SEMA6D: variants seen among roughly 807,000 people sequenced by gnomAD.
SEMA6D encodes semaphorin 6D.
In SEMA6D, 35 loss-of-function variants were observed where a neutral mutation model predicts 106.6. The observed-to-expected ratio is 0.33, with a 90% CI of 0.25 to 0.44. SEMA6D has a LOEUF of 0.44. SEMA6D is among the 20% of genes least tolerant of loss of function. The pLI, the probability that SEMA6D is intolerant of heterozygous loss-of-function variation, is 1.00. For missense variants in SEMA6D, 1,185 were observed against 1,345.9 expected, an observed-to-expected ratio of 0.88 and a Z score of 1.87; for synonymous variants, 499 against 487.7, an observed-to-expected ratio of 1.02 and a Z score of -0.31.
chr15:47,231,646 A>G (rs2032202752), intron 1 of SEMA6D, among the ~76,000 whole-genome samples: 1 of 152,014 alleles, frequency 6.6e-6, no homozygotes, highest in Admixed American at 6.6e-5. Context: ...TGTTTCTTGC[A>G]TAGGACAATT....
intron 1 of SEMA6D, among the ~76,000 whole-genome samples, chr15:47,748,278 T>C (rs1262612896): frequency 2.0e-5 from 3 of 152,214 alleles, no homozygotes; most frequent in African/African-American, 7.2e-5. Context: ...GAGCTGTTCA[T>C]TTTGATGTGG....
At chr15:47,573,616 C>T (rs950321902) in intron 3 of SEMA6D, among the ~76,000 whole-genome samples, 6 of 152,152 alleles carry the variant, frequency 3.9e-5, no homozygotes, top group African/African-American at 1.4e-4. Context: ...TGCATCATTG[C>T]TGGTCTTTCT....
intron 4 of SEMA6D, among the ~76,000 whole-genome samples, chr15:47,618,220 T>C (rs1050795501): frequency 1.3e-5 from 2 of 152,224 alleles, no homozygotes; most frequent in African/African-American, 4.8e-5. Context: ...TTTGTAAATA[T>C]AAAGAGTTAA....
chr15:47,369,705 C>T (rs1432004277), intron 1 of SEMA6D, among the ~76,000 whole-genome samples: 1 of 152,098 alleles, frequency 6.6e-6, no homozygotes, highest in Non-Finnish European at 1.5e-5. Context: ...CTAAAGTATA[C>T]GTTATTGACA....
At chr15:47,359,748 G>A (rs1269924874) in intron 1 of SEMA6D, 2 of 152,138 alleles carry the variant, frequency 1.3e-5, no homozygotes, top group Non-Finnish European at 2.9e-5. Context: ...GGTATTTCTG[G>A]TAGAATGGCT....
At chr15:47,707,881 C>G (rs1219331385) in intron 4 of SEMA6D, among the ~76,000 whole-genome samples, 1 of 152,150 alleles carries the variant, frequency 6.6e-6, no homozygotes, top group African/African-American at 2.4e-5. Context: ...CCTTTTCCAC[C>G]TCATGTTTCT....
intron 3 of SEMA6D, among the ~76,000 whole-genome samples, chr15:47,557,996 A>G (rs1596315275): frequency 6.6e-6 from 1 of 152,110 alleles, no homozygotes; most frequent in Non-Finnish European, 1.5e-5. Context: ...TTTACTCTGC[A>G]TCCTTGAGTT....
chr15:47,733,860 T>C (rs1402767825), intron 1 of SEMA6D, among the ~76,000 whole-genome samples: 3 of 152,204 alleles, frequency 2.0e-5, no homozygotes, highest in Non-Finnish European at 4.4e-5. Context: ...AGGAAAGGCT[T>C]ATGGATTTTA....
intron 4 of SEMA6D, among the ~76,000 whole-genome samples, chr15:47,669,535 C>T (rs1256487678): frequency 6.6e-6 from 1 of 152,216 alleles, no homozygotes; most frequent in Admixed American, 6.5e-5. Context: ...GCTGCCTTGA[C>T]AATCCATAGA....
At chr15:47,320,529 G>A (rs1450353202) in intron 1 of SEMA6D, among the ~76,000 whole-genome samples, 1 of 152,040 alleles carries the variant, frequency 6.6e-6, no homozygotes, top group Non-Finnish European at 1.5e-5. Flanking sequence ...AGATCATCTT[G>A]CCCTGGTCCT....
chr15:47,591,691 T>C (rs955706910), intron 3 of SEMA6D, among the ~76,000 whole-genome samples: 2 of 152,150 alleles, frequency 1.3e-5, no homozygotes, highest in Non-Finnish European at 2.9e-5. Flanking sequence ...ACCTGTTTCA[T>C]TGTATCAGGA....
chr15:47,620,635 C>A (rs1177149202), intron 4 of SEMA6D, among the ~76,000 whole-genome samples: 1 of 151,632 alleles, frequency 6.6e-6, no homozygotes, highest in African/African-American at 2.4e-5. Flanking sequence ...CTAGTGGGTA[C>A]TAAAGGCAGT....
intron 4 of SEMA6D, among the ~76,000 whole-genome samples, chr15:47,708,373 G>C (rs2078953625): frequency 6.6e-6 from 1 of 152,116 alleles, no homozygotes; most frequent in African/African-American, 2.4e-5. Flanking sequence ...TCTGCCCAAA[G>C]TACCTCTGTT....
Position 47,772,468 on chromosome 15 carries a change from G to A in SEMA6D, c.*683G>A, listed in dbSNP as rs149373591. ...GGAGTTGTTTACATTAAGCATGACC[G>A]AACGAGAGACAATACTATTTCCCAC... is the stretch of plus-strand genomic sequence containing the variant. On this transcript the variant is annotated 3_prime_UTR_variant, in exon 19 of 19. Coordinates refer to ENST00000536845, the MANE Select transcript of SEMA6D (RefSeq NM_001358351.3). 6.6e-6 allele frequency: 1 copy of A among 151,938 alleles called. No homozygotes were observed. 9.4% of individuals were successfully genotyped at this position (151,938 alleles called of 1,614,324 possible).
At chr15:47,610,710 G>A (rs766933561) in intron 4 of SEMA6D, among the ~76,000 whole-genome samples, 1 of 152,082 alleles carries the variant, frequency 6.6e-6, no homozygotes, top group Non-Finnish European at 1.5e-5. Context: ...AATATAAGTA[G>A]CAATACTCTA....
At chr15:47,416,842 A>G (rs954737085) in intron 2 of SEMA6D, among the ~76,000 whole-genome samples, 2 of 152,112 alleles carry the variant, frequency 1.3e-5, no homozygotes, top group Admixed American at 6.6e-5. Flanking sequence ...GTCACCCCCT[A>G]TTACTTTGCA....
At chr15:47,399,235 A>G (rs775620769) in intron 1 of SEMA6D, 1 of 152,222 alleles carries the variant, frequency 6.6e-6, no homozygotes, top group Non-Finnish European at 1.5e-5. Context: ...GCTCAAGGTC[A>G]CATAGCTGAT....
intron 4 of SEMA6D, among the ~76,000 whole-genome samples, chr15:47,683,000 T>C (rs1324797096): frequency 6.6e-6 from 1 of 152,228 alleles, no homozygotes; most frequent in African/African-American, 2.4e-5. Flanking sequence ...TTAATTCTCA[T>C]GGCTGCATTG....
At chr15:47,227,451 CTTTCT>C (rs1377161721) in intron 1 of SEMA6D, among the ~76,000 whole-genome samples, 1 of 125,798 alleles carries the variant, frequency 7.9e-6, no homozygotes, top group African/African-American at 3.3e-5. Context: ...TCTTTCTTTT[CTTTCT>C]TTTCTTTCTT....
Sources: gnomAD v4.1 joint callset for allele counts (sites outside exome capture counted in the v4.1 genomes callset) on GRCh38, gnomAD v4.1.1 for gene constraint, MANE v1.5 for transcripts, NCBI Gene and HGNC (gene_info 2026-07-23, HGNC 2026-07-21) for gene names.